The following ARID5B variants were observed in gnomAD, a reference collection of about 807,000 sequenced individuals.
ARID5B encodes the protein AT-rich interactive domain-containing protein 5B.
Under a neutral mutation model 97.2 loss-of-function variants are expected in ARID5B, and 13 were observed. The ratio of observed to expected loss-of-function variants is 0.13; its 90% confidence interval spans 0.09 to 0.21. ARID5B has a LOEUF of 0.21. Ranked by LOEUF, ARID5B falls within the 10% of genes least tolerant of loss-of-function variation. ARID5B has a pLI of 1.00. For missense variants in ARID5B, 1,210 were observed against 1,465.3 expected (o/e 0.83, Z 2.84); for synonymous variants, 556 against 570.3 (o/e 0.97, Z 0.36).
intron 2 of ARID5B, among the ~76,000 whole-genome samples, chr10:61,933,741 A>G (rs778513603): frequency 2.0e-5 from 3 of 152,192 alleles, no homozygotes; most frequent in Non-Finnish European, 4.4e-5. Context: ...TGTGCTCTCA[A>G]TCCAGCTTCA....
At chr10:61,971,281 A>G (rs1019169548) in intron 3 of ARID5B, among the ~76,000 whole-genome samples, 1 of 152,230 alleles carries the variant, frequency 6.6e-6, no homozygotes, top group African/African-American at 2.4e-5. Flanking sequence ...GTGGAGAAGA[A>G]AGAAATTTAA....
chr10:61,906,879 G>T (rs1843717467), intron 2 of ARID5B, among the ~76,000 whole-genome samples: 1 of 152,176 alleles, frequency 6.6e-6, no homozygotes, highest in Non-Finnish European at 1.5e-5. Flanking sequence ...TGGAAATACG[G>T]TCCTTATTTC....
rs555522644 is a variant in ARID5B, at chr10:61,949,462, C to T, written c.502+9054C>T. ...GACCAGCCTGATCAACATGGTAAAA[C>T]CCCGTTTCCTACTAAAAATACAAAA... On this transcript the variant is annotated intron_variant, in intron 3 of 9. Coordinates refer to ENST00000279873, the MANE Select transcript of ARID5B (RefSeq NM_032199.3). 4.6e-5 allele frequency among the ~76,000 whole-genome samples: 7 copies of T among 152,256 alleles called. No homozygotes were observed. In the South Asian group the frequency reaches 1.4e-3, roughly 32 times the overall value.
At chr10:62,024,862 A>G (rs928170948) in intron 4 of ARID5B, 2 of 361,126 alleles carry the variant, frequency 5.5e-6, no homozygotes, top group African/African-American at 4.2e-5. Flanking sequence ...AATATCGAGA[A>G]TGGCTCTGTA....
chr10:62,027,161 T>C (rs1839431187), intron 4 of ARID5B, among the ~76,000 whole-genome samples: 1 of 151,960 alleles, frequency 6.6e-6, no homozygotes, highest in African/African-American at 2.4e-5. Flanking sequence ...CTCCTAGTCC[T>C]TCCTATCTGT....
chr10:62,081,010 A>G (rs921743700), intron 8 of ARID5B, among the ~76,000 whole-genome samples: 6 of 151,878 alleles, frequency 4.0e-5, no homozygotes, highest in Non-Finnish European at 5.9e-5. Context: ...TTTAGTAGAG[A>G]TGGGCTGGTC....
intron 2 of ARID5B, among the ~76,000 whole-genome samples, chr10:61,903,105 T>G (rs1843644832): frequency 1.3e-5 from 2 of 152,042 alleles, no homozygotes; most frequent in Non-Finnish European, 2.9e-5. Context: ...AGCCATTTGA[T>G]GTTCTAGTTT....
At chr10:61,961,576 G>A (rs544693399) in intron 3 of ARID5B, among the ~76,000 whole-genome samples, 2 of 152,098 alleles carry the variant, frequency 1.3e-5, no homozygotes, top group African/African-American at 2.4e-5. Flanking sequence ...TGCCCTTTTC[G>A]CGTGTCAGTT....
intron 7 of ARID5B, among the ~76,000 whole-genome samples, chr10:62,066,296 G>C (rs1839988159): frequency 6.6e-6 from 1 of 152,190 alleles, no homozygotes; most frequent in Admixed American, 6.5e-5. Flanking sequence ...TCCATGGCTA[G>C]TGTTTGAATT....
In ARID5B at chr10:61,978,291, C is replaced by T. The variant is rs951690166; in HGVS notation, c.503-21800C>T. On this transcript the variant is annotated intron_variant, in intron 3 of 9. Transcript: ENST00000279873. The stretch of plus-strand genomic sequence containing the variant: ...TGTAGTATAGTTTGAAGTCAGGTAG[C>T]GTGATGCCTCCAGCTTTGTTCTTTT... Among the ~76,000 whole-genome samples the T allele has an allele frequency of 1.1e-3, 160 of 152,220 alleles. 1 individual carries two copies. Among genetic ancestry groups the T allele is most frequent in the Non-Finnish European group, 1.9e-3 (130 of 68,010 alleles).
Position 62,000,087 on chromosome 10 carries a change from C to G in ARID5B, c.503-4C>G. On this transcript the variant is annotated splice_polypyrimidine_tract_variant and splice_region_variant and intron_variant, in intron 3 of 9. Transcript: ENST00000279873. This position sits in a 1 kb window ranked among gnomAD's most constrained non-coding sequence, Gnocchi z 4.4. ...GTAATGGAAGTGTTTTCTCGTTTGT[C>G]TAGGGGAGGACGAGGAAGAAACGAA... 2.5e-6 allele frequency: 4 copies of G among 1,613,610 alleles called. No individual in the cohort carries two copies. Among genetic ancestry groups the G allele is most frequent in the Non-Finnish European group, 3.4e-6 (4 of 1,179,642 alleles).
At chr10:62,018,634 T>C (rs577437083) in intron 4 of ARID5B, among the ~76,000 whole-genome samples, 3 of 149,738 alleles carry the variant, frequency 2.0e-5, no homozygotes, top group Admixed American at 2.0e-4. Context: ...CTGTCGTCTT[T>C]TATGCACAGA....
At chr10:62,013,228 T>C (rs1839239321) in intron 4 of ARID5B, among the ~76,000 whole-genome samples, 2 of 152,172 alleles carry the variant, frequency 1.3e-5, no homozygotes, top group African/African-American at 4.8e-5. Flanking sequence ...TGTGCATCAA[T>C]TTCCTGAAGC....
chr10:61,940,355 C>A lies in ARID5B; in HGVS notation c.449C>A (p.Thr150Asn). ...GCTCTGCTGAAGTACAGGCAGTCAA[C>A]CCTAAACAGTGGACTCAACTTCAAA... is the stretch of plus-strand genomic sequence containing the variant. ...KEALLKYRQS[T>N]LNSGLNFKDV... The change falls in exon 3 of 10, where the codon ACC (threonine) becomes AAC (asparagine). Residue 150 changes from threonine to asparagine, a missense_variant. Transcript: ENST00000279873. 6 of 1,614,096 alleles carry A rather than the reference C, an allele frequency of 3.7e-6. No individual in the cohort carries two copies. Among genetic ancestry groups the A allele is most frequent in the Non-Finnish European group, 4.2e-6 (5 of 1,180,012 alleles).
chr10:61,948,323 T>C (rs1425617825), intron 3 of ARID5B, among the ~76,000 whole-genome samples: 1 of 151,592 alleles, frequency 6.6e-6, no homozygotes, highest in African/African-American at 2.4e-5. Context: ...TTCCCTAAGA[T>C]GTGCTTTCAG....
intron 4 of ARID5B, among the ~76,000 whole-genome samples, chr10:62,015,139 A>G (rs1447961817): frequency 6.6e-6 from 1 of 152,244 alleles, no homozygotes; most frequent in Non-Finnish European, 1.5e-5. Flanking sequence ...TGTGCCTATA[A>G]TTTGTGTTCC....
chr10:61,990,993 T>C (rs1838915691), intron 3 of ARID5B, among the ~76,000 whole-genome samples: 1 of 151,204 alleles, frequency 6.6e-6, no homozygotes, highest in Non-Finnish European at 1.5e-5. Context: ...TGTTTTGTGA[T>C]TCCACTTTTA....
intron 8 of ARID5B, among the ~76,000 whole-genome samples, chr10:62,076,319 G>A (rs1032839255): frequency 1.3e-5 from 2 of 152,106 alleles, no homozygotes; most frequent in African/African-American, 4.8e-5. Context: ...GCGGGCAGAT[G>A]ACTTGAGACC....
chr10:62,007,603 A>G (rs1362493390), intron 4 of ARID5B, among the ~76,000 whole-genome samples: 1 of 152,170 alleles, frequency 6.6e-6, no homozygotes, highest in Non-Finnish European at 1.5e-5. Flanking sequence ...GTGCTGTTTA[A>G]GTACTCATTG....
Sources: gnomAD v4.1 joint callset for allele counts (sites outside exome capture counted in the v4.1 genomes callset) on GRCh38, gnomAD v4.1.1 for gene constraint, Gnocchi (gnomAD v3.1) non-coding constraint, MANE v1.5 for transcripts, NCBI Gene and HGNC (gene_info 2026-07-23, HGNC 2026-07-21) for gene names.